RSPH6A: variants seen among roughly 807,000 people sequenced by gnomAD.
RSPH6A encodes the protein radial spoke head 6 homolog A, also known as radial spoke head protein 6 homolog A.
In RSPH6A, 49 loss-of-function variants were observed where a neutral mutation model predicts 66.1. That is an observed-to-expected ratio of 0.74 (90% CI 0.59 to 0.94). RSPH6A has a LOEUF of 0.94. Among genes scored for constraint, RSPH6A ranks in the 40% least tolerant of loss-of-function variants. The pLI, the probability that RSPH6A is intolerant of heterozygous loss-of-function variation, is 0.00. For synonymous variants in RSPH6A, 419 were observed against 402.4 expected (o/e 1.04, Z -0.49); for missense variants, 977 against 948.3 (o/e 1.03, Z -0.40).
Position 45,814,754 on chromosome 19 carries a change from G to A in RSPH6A, c.423C>T (p.Pro141=). The change falls in exon 1 of 6, where the codon CCC becomes CCT. Residue 141 remains proline, a synonymous_variant. Coordinates refer to ENST00000221538, the MANE Select transcript of RSPH6A (RefSeq NM_030785.4). ...FQQLDPTFQE[P]PVNPLGQFNL... ...TGAACTGGCCCAAGGGGTTGACTGG[G>A]GGCTCCTGGAAGGTGGGGTCCAGTT... 4 of 1,613,848 alleles carry A rather than the reference G, an allele frequency of 2.5e-6. No individual in the cohort carries two copies. The highest frequency in any genetic ancestry group is 3.4e-6 in the Non-Finnish European group (4 of 1,179,868).
Position 45,804,849 on chromosome 19 carries a change from T to C in RSPH6A, c.1056A>G (p.Lys352=). 6.2e-7 allele frequency: 1 copy of C among 1,614,170 alleles called. No individual in the cohort carries two copies. The highest frequency in any genetic ancestry group is 1.1e-5 in the South Asian group (1 of 91,078). Residue 352 remains lysine (K), a synonymous_variant, in exon 3 of 6, where the codon AAA becomes AAG. Transcript: ENST00000221538. This position sits in a 1 kb window ranked among gnomAD's most constrained non-coding sequence, Gnocchi z 5.8. ...CCACCTCGGCCACCAGGTAGCTGCG[T>C]TTGATTCCCAGGATCTTGCCCCAGA... ...CRFWGKILGI[K]RSYLVAEVEF...
At position 45,800,467 on chromosome 19, in the gene RSPH6A, G is replaced by GC; in HGVS notation, c.1894dup (p.Ala632GlyfsTer11). ...CTACTTGCCACTGGCATAGGCATAG[G>GC]CCCCGGGCCAGAGGTTGGAGCGCAC... On this transcript the variant is annotated frameshift_variant, in exon 5 of 6. Transcript: ENST00000221538. LOFTEE classifies it high-confidence loss of function. The GC allele has an allele frequency of 1.2e-6, 2 of 1,613,062 alleles. No homozygotes were observed. The highest frequency in any genetic ancestry group is 1.7e-6 in the Non-Finnish European group (2 of 1,179,790).
chr19:45,800,673 G>C (rs1261873065), intron 4 of RSPH6A, 110 bp from the exon 5 acceptor site: 9 of 870,500 alleles, frequency 1.0e-5, no homozygotes, highest in Non-Finnish European at 1.7e-6. Context: ...GGAGGGGCAT[G>C]AGGGGAACTA....
In RSPH6A at chr19:45,815,120, C is replaced by A; in HGVS notation, c.57G>T (p.Arg19Ser). 1.2e-6 allele frequency: 2 copies of A among 1,612,258 alleles called. No individual in the cohort carries two copies. The highest frequency in any genetic ancestry group is 8.5e-7 in the Non-Finnish European group (1 of 1,179,974). The part of the protein sequence containing the change: ...ERPAQQPPGR[R>S]TSQASQRRHS... ...GCCGCCTCTGGGAGGCCTGAGAAGT[C>A]CTCCGGCCCGGAGGCTGCTGGGCAG... Residue 19 changes from arginine to serine, a missense_variant, in exon 1 of 6, where the codon AGG becomes AGT. By Grantham distance (110) the Arg-to-Ser change is moderately radical. Coordinates refer to ENST00000221538, the MANE Select transcript of RSPH6A (RefSeq NM_030785.4).
At chr19:45,809,237 G>T (rs1397092344) in intron 2 of RSPH6A, among the ~76,000 whole-genome samples, 1 of 144,860 alleles carries the variant, frequency 6.9e-6, no homozygotes, top group Non-Finnish European at 1.5e-5. Flanking sequence ...TCCTGACCTC[G>T]TGATCCACCC....
chr19:45,801,327 G>C (rs12463359), intron 4 of RSPH6A, among the ~76,000 whole-genome samples: 1 of 151,960 alleles, frequency 6.6e-6, no homozygotes, highest in Admixed American at 6.6e-5. Flanking sequence ...TTGGACCAGG[G>C]TGCAGAGGGA....
intron 5 of RSPH6A, 119 bp downstream of exon 5, chr19:45,800,327 G>T: frequency 1.2e-6 from 1 of 822,694 alleles, no homozygotes; most frequent in Non-Finnish European, 2.0e-6. Flanking sequence ...ATTAGTCCTT[G>T]GGGCTTCCTG....
Position 45,814,605 on chromosome 19 carries a change from T to A in RSPH6A, c.572A>T (p.Glu191Val). Reference protein sequence around the residue: ...GFPHYSAQVPEPEPLELAVQN... With the variant: ...GFPHYSAQVPVPEPLELAVQN... ...CACGGCCAGCTCCAGAGGCTCGGGC[T>A]CAGGCACCTGGGCACTGTAGTGTGG... is the stretch of plus-strand genomic sequence containing the variant. The change falls in exon 1 of 6, where the codon GAG (glutamate) becomes GTG (valine). Residue 191 changes from glutamate (E) to valine (V), a missense_variant. Physicochemically the swap from Glu to Val is moderately radical, Grantham distance 121. Coordinates refer to ENST00000221538, the MANE Select transcript of RSPH6A (RefSeq NM_030785.4). 4 of 1,574,368 alleles carry A rather than the reference T, an allele frequency of 2.5e-6. No homozygotes were observed. The highest frequency in any genetic ancestry group is 3.4e-6 in the Non-Finnish European group (4 of 1,161,928).
intron 3 of RSPH6A, among the ~76,000 whole-genome samples, chr19:45,802,972 G>C (rs1292841968): frequency 6.6e-6 from 1 of 151,418 alleles, no homozygotes; most frequent in Non-Finnish European, 1.5e-5. Flanking sequence ...ACTTTGGGAG[G>C]CTGAGGCGGG....
In RSPH6A at chr19:45,796,030, T is replaced by TGG. The variant is rs1568596164; in HGVS notation, c.1991_1992dup (p.Ile665ProfsTer15). 1 of 1,613,602 alleles carries TGG rather than the reference T, an allele frequency of 6.2e-7. No individual in the cohort carries two copies. Among genetic ancestry groups the TGG allele is most frequent in the Admixed American group, 1.7e-5 (1 of 59,964 alleles). ...GGGCCACTGGGGTACTCTTGTTGAA[T>TGG]GGGGGCTGGCAGGGCCGGGTTGAAG... On this transcript the variant is annotated frameshift_variant, in exon 6 of 6. Transcript: ENST00000221538. LOFTEE classifies it high-confidence loss of function.
chr19:45,803,563 C>A (rs990791414), intron 3 of RSPH6A, among the ~76,000 whole-genome samples: 1 of 151,886 alleles, frequency 6.6e-6, no homozygotes, highest in African/African-American at 2.4e-5. Context: ...GTAATCCCAG[C>A]TACTTGGGAG....
intron 5 of RSPH6A, 83 bp from the exon 6 acceptor site, chr19:45,796,189 CT>C: frequency 9.0e-7 from 1 of 1,105,576 alleles, no homozygotes; most frequent in Non-Finnish European, 1.3e-6. Flanking sequence ...GAGATGGAGT[CT>C]TACTCTGTTG....
rs1436989552 is a variant in RSPH6A at position 45,814,770 on chromosome 19, G to C, written c.407C>G (p.Pro136Arg). The C allele has an allele frequency of 1.2e-6, 2 of 1,613,806 alleles. No homozygotes were observed. The highest frequency in any genetic ancestry group is 4.5e-5 in the East Asian group (2 of 44,870). ...GQSSLFQQLDPTFQEPPVNPL... is the reference protein window; with the variant it reads ...GQSSLFQQLDRTFQEPPVNPL... ...GTTGACTGGGGGCTCCTGGAAGGTG[G>C]GGTCCAGTTGCTGGAACAGGCTGCT... Residue 136 changes from proline (P) to arginine (R), a missense_variant, in exon 1 of 6, where the codon CCC (proline) becomes CGC (arginine). Transcript: ENST00000221538.
rs777162569 is a variant in RSPH6A at position 45,795,837 on chromosome 19, C to A, written c.*32G>T. 6.4e-7 allele frequency: 1 copy of A among 1,570,388 alleles called. No homozygotes were observed. The highest frequency in any genetic ancestry group is 1.2e-5 in the South Asian group (1 of 86,876). On this transcript the variant is annotated 3_prime_UTR_variant, in exon 6 of 6. Coordinates refer to ENST00000221538, the MANE Select transcript of RSPH6A (RefSeq NM_030785.4). ...CCTCTAAGGGGAAATTTGCTATCTA[C>A]CTGCTTGGGGAAAGTGGCTAGAGGG...
chr19:45,807,351 G>A (rs1444796916), intron 2 of RSPH6A, among the ~76,000 whole-genome samples: 1 of 151,592 alleles, frequency 6.6e-6, no homozygotes, highest in Non-Finnish European at 1.5e-5. Context: ...AAGTAGCTGG[G>A]ACTACAGGCG....
chr19:45,804,743 C>G lies in RSPH6A; in HGVS notation c.1162G>C (p.Gly388Arg), dbSNP rs766382171. The change falls in exon 3 of 6, where the codon GGC (glycine) becomes CGC (arginine). Residue 388 changes from glycine to arginine, a missense_variant. Physicochemically the swap from Gly to Arg is moderately radical, Grantham distance 125. Coordinates refer to ENST00000221538, the MANE Select transcript of RSPH6A (RefSeq NM_030785.4). The surrounding 1 kb of genome is among the most constrained non-coding windows in gnomAD (Gnocchi z 5.8). ...TCGTCCTCCTCGCCCTCCTCCTCGC[C>G]GTGCGCCTCCATGACCTCGCCACCT... is the stretch of plus-strand genomic sequence containing the variant. ...TEGGEVMEAH[G>R]EEEGEEDEEK... The G allele has an allele frequency of 6.2e-7, 1 of 1,612,904 alleles. No homozygotes were observed.
At chr19:45,801,302 G>A (rs1173436530) in intron 4 of RSPH6A, among the ~76,000 whole-genome samples, 3 of 152,302 alleles carry the variant, frequency 2.0e-5, no homozygotes, top group East Asian at 3.9e-4. Flanking sequence ...TTCCACTCCC[G>A]AGTTGGTCAT....
At chr19:45,798,310 G>A (rs1970430031) in intron 5 of RSPH6A, among the ~76,000 whole-genome samples, 2 of 151,916 alleles carry the variant, frequency 1.3e-5, no homozygotes, top group Admixed American at 6.6e-5. Context: ...AGTGAGTTGA[G>A]ATCGCACCAC....
intron 2 of RSPH6A, 104 bp downstream of exon 2, chr19:45,810,499 T>C (rs1970609634): frequency 9.3e-7 from 1 of 1,077,946 alleles, no homozygotes; most frequent in Non-Finnish European, 1.4e-6. Flanking sequence ...GACTGGATTG[T>C]GCAATGCTGT....
Sources: gnomAD v4.1 joint callset for allele counts (sites outside exome capture counted in the v4.1 genomes callset) on GRCh38, gnomAD v4.1.1 for gene constraint, Gnocchi (gnomAD v3.1) non-coding constraint, MANE v1.5 for transcripts, NCBI Gene and HGNC (gene_info 2026-07-23, HGNC 2026-07-21) for gene names.